ASPRV1: variants seen among roughly 807,000 people sequenced by gnomAD.
ASPRV1 encodes retroviral-like aspartic protease 1.
In ASPRV1, 7 loss-of-function variants were observed where a neutral mutation model predicts 11.0. That is an observed-to-expected ratio of 0.64 (90% CI 0.36 to 1.20). The LOEUF is 1.20. Ranked by LOEUF, ASPRV1 falls within the 50% of genes most tolerant of loss-of-function variation. The pLI, the probability that ASPRV1 is intolerant of heterozygous loss-of-function variation, is 0.02. For missense variants in ASPRV1, 299 were observed against 320.0 expected, an observed-to-expected ratio of 0.93 and a Z score of 0.50; for synonymous variants, 136 against 138.4, an observed-to-expected ratio of 0.98 and a Z score of 0.12.
At chr2:69,985,890 G>A in the ASPRV1 span, among the ~76,000 whole-genome samples, 8 of 152,164 alleles carry the variant, frequency 5.3e-5, no homozygotes, top group East Asian at 1.9e-4. Flanking sequence ...ACACACCTAC[G>A]TAAGCACAAC....
chr2:70,082,494 TGAGGTCAGGAGTTC>T, the ASPRV1 span, among the ~76,000 whole-genome samples: 1 of 152,084 alleles, frequency 6.6e-6, no homozygotes, highest in Non-Finnish European at 1.5e-5. Flanking sequence ...GCAGATCACC[TGAGGTCAGGAGTTC>T]GAGGCCAGCC....
the ASPRV1 span, among the ~76,000 whole-genome samples, chr2:69,946,846 G>A: frequency 1.3e-5 from 2 of 152,146 alleles, no homozygotes; most frequent in African/African-American, 4.8e-5. Context: ...TCACCTATGT[G>A]CTGTTCGGAA....
chr2:69,961,635 C>T (rs1478422833), upstream of ASPRV1: 1 of 1,594,506 alleles, frequency 6.3e-7, no homozygotes, highest in African/African-American at 1.3e-5. Context: ...GTGCTGTGGC[C>T]TGTTCACTCT....
the ASPRV1 span, among the ~76,000 whole-genome samples, chr2:70,000,816 AAGAAAG>A: frequency 1.4e-5 from 2 of 146,464 alleles, no homozygotes; most frequent in South Asian, 2.1e-4. Flanking sequence ...AAAAAAAAAA[AAGAAAG>A]AAAAAGAAAA....
At chr2:70,044,526 C>A in the ASPRV1 span, among the ~76,000 whole-genome samples, 1 of 152,130 alleles carries the variant, frequency 6.6e-6, no homozygotes, top group African/African-American at 2.4e-5. Context: ...ATGACACGAT[C>A]TCGGCTCACG....
chr2:70,018,832 T>C, the ASPRV1 span: 1 of 151,992 alleles, frequency 6.6e-6, no homozygotes, highest in East Asian at 1.9e-4. Flanking sequence ...GAAGAAAGCA[T>C]AGGGAAAAAG....
At chr2:69,953,937 C>T in the ASPRV1 span, among the ~76,000 whole-genome samples, 22 of 151,420 alleles carry the variant, frequency 1.5e-4, no homozygotes, top group Admixed American at 8.5e-4. Context: ...AGGCTGGTCT[C>T]GAACTCCTGA....
At chr2:69,986,977 G>A in the ASPRV1 span, among the ~76,000 whole-genome samples, 2 of 152,186 alleles carry the variant, frequency 1.3e-5, no homozygotes, top group Non-Finnish European at 2.9e-5. Context: ...GGCAGAGAGG[G>A]GGCTTAGAAC....
chr2:70,022,851 TAACTC>T, the ASPRV1 span, among the ~76,000 whole-genome samples: 1 of 151,818 alleles, frequency 6.6e-6, no homozygotes, highest in Non-Finnish European at 1.5e-5. Flanking sequence ...GTATAAATTA[TAACTC>T]AATAAAGCTA....
At chr2:70,066,842 G>A in the ASPRV1 span, among the ~76,000 whole-genome samples, 6 of 149,628 alleles carry the variant, frequency 4.0e-5, no homozygotes, top group Admixed American at 6.6e-5. Flanking sequence ...CTCCCACCTC[G>A]GCCTCCCAAA....
chr2:69,961,077 T>C lies in ASPRV1; in HGVS notation c.360A>G (p.Lys120=), dbSNP rs1360664817. 3 of 1,613,756 alleles carry C rather than the reference T, an allele frequency of 1.9e-6. No individual in the cohort carries two copies. The highest frequency in any genetic ancestry group is 2.5e-6 in the Non-Finnish European group (3 of 1,179,834). The change falls in exon 1 of 1, where the codon AAA becomes AAG. Residue 120 remains lysine, a synonymous_variant. Coordinates refer to ENST00000320256, the MANE Select transcript of ASPRV1 (RefSeq NM_152792.4). ...AGTCCACCAGGAACCTCACGGGCAC[T>C]TTGCCAATCTTCCCCTTGAGATAGT... The part of the protein sequence containing the change: ...KGYYLKGKIG[K]VPVRFLVDSG...
At chr2:70,021,609 C>T in the ASPRV1 span, among the ~76,000 whole-genome samples, 3 of 151,928 alleles carry the variant, frequency 2.0e-5, no homozygotes, top group South Asian at 6.3e-4. Flanking sequence ...TGAGCCACCA[C>T]GCCCGGCCAA....
At chr2:70,084,125 G>A in the ASPRV1 span, among the ~76,000 whole-genome samples, 1 of 152,182 alleles carries the variant, frequency 6.6e-6, no homozygotes, top group Admixed American at 6.5e-5. Context: ...AGGCTTCACT[G>A]AGGAGGTGCA....
At chr2:69,999,878 C>T in the ASPRV1 span, among the ~76,000 whole-genome samples, 5 of 151,802 alleles carry the variant, frequency 3.3e-5, no homozygotes, top group Non-Finnish European at 7.4e-5. Context: ...TGAGTCACCC[C>T]GGGCTCCTCC....
At chr2:70,066,442 T>C in the ASPRV1 span, among the ~76,000 whole-genome samples, 1 of 152,084 alleles carries the variant, frequency 6.6e-6, no homozygotes, top group Non-Finnish European at 1.5e-5. Context: ...TTTCACCATG[T>C]TGGCCAGGCT....
At chr2:69,967,309 T>A in the ASPRV1 span, among the ~76,000 whole-genome samples, 1 of 152,124 alleles carries the variant, frequency 6.6e-6, no homozygotes, top group Admixed American at 6.5e-5. Flanking sequence ...CCGGGCAAGA[T>A]GGCAGCCCAA....
chr2:69,963,270 A>C (rs1444239893), upstream of ASPRV1: 3 of 456,406 alleles, frequency 6.6e-6, no homozygotes, highest in South Asian at 4.6e-5. Flanking sequence ...GGGGAAATGG[A>C]GTCACCGAGA....
At chr2:70,054,421 C>A in the ASPRV1 span, among the ~76,000 whole-genome samples, 1 of 151,042 alleles carries the variant, frequency 6.6e-6, no homozygotes. Flanking sequence ...TAAAAATACA[C>A]ACAAAAAAAT....
the ASPRV1 span, among the ~76,000 whole-genome samples, chr2:69,981,570 G>C: frequency 2.0e-5 from 3 of 152,148 alleles, no homozygotes; most frequent in African/African-American, 7.2e-5. Context: ...TTGTTTGTTT[G>C]TTTTGGGATG....
Sources: allele counts gnomAD v4.1 joint callset (sites outside exome capture counted in the v4.1 genomes callset), GRCh38; gene constraint gnomAD v4.1.1; transcripts MANE v1.5; gene names NCBI Gene and HGNC (gene_info 2026-07-23, HGNC 2026-07-21).